Variants in C9 observed in about 807,000 individuals in gnomAD.
The protein encoded by C9 is complement component C9.
C9 carries 63 observed loss-of-function variants against 65.4 expected under a neutral mutation model. The observed-to-expected ratio is 0.96, with a 90% confidence interval of 0.79 to 1.19. The LOEUF is 1.19. C9 is among the 50% of genes most tolerant of loss of function. The pLI is 0.00. For missense variants in C9, 744 were observed against 670.1 expected (o/e 1.11, Z -1.22); for synonymous variants, 229 against 227.9 (o/e 1.00, Z -0.04).
chr5:39,323,444 G>C (rs561370710), intron 5 of C9, among the ~76,000 whole-genome samples: 1 of 147,262 alleles, frequency 6.8e-6, no homozygotes, highest in Non-Finnish European at 1.5e-5. Context: ...ACTAAATTCA[G>C]AAATATATTA....
chr5:39,285,158 G>A lies in C9; in HGVS notation c.*41C>T. ...TCAGGGGTAGGATCTGAAGGTACTA[G>A]TGTTTTCTTCTTCCACTGGAGCTCA... is the stretch of plus-strand genomic sequence containing the variant. On this transcript the variant is annotated 3_prime_UTR_variant, in exon 11 of 11. Coordinates refer to ENST00000263408, the MANE Select transcript of C9 (RefSeq NM_001737.5). The A allele has an allele frequency of 1.3e-6, 2 of 1,554,092 alleles. No individual in the cohort carries two copies. Among genetic ancestry groups the A allele is most frequent in the Non-Finnish European group, 1.8e-6 (2 of 1,125,382 alleles).
At chr5:39,303,447 A>G (rs1165833514) in intron 9 of C9, among the ~76,000 whole-genome samples, 4 of 151,866 alleles carry the variant, frequency 2.6e-5, no homozygotes, top group Non-Finnish European at 5.9e-5. Flanking sequence ...CTAACAGAGC[A>G]TGGCTATAGT....
chr5:39,317,921 C>G (rs1753599826), intron 5 of C9, among the ~76,000 whole-genome samples: 1 of 151,328 alleles, frequency 6.6e-6, no homozygotes, highest in African/African-American at 2.4e-5. Context: ...AGCATTGAAT[C>G]TATAAATTAC....
chr5:39,307,466 T>C (rs1753402393), intron 8 of C9, among the ~76,000 whole-genome samples: 1 of 152,108 alleles, frequency 6.6e-6, no homozygotes, highest in African/African-American at 2.4e-5. Context: ...AATATAGAAA[T>C]TATACCGTAT....
intron 9 of C9, among the ~76,000 whole-genome samples, chr5:39,298,297 A>G (rs114888982): frequency 0.011 from 1,731 of 151,716 alleles, 41 homozygotes; most frequent in African/African-American, 0.04. Context: ...AAGCATAAGG[A>G]AGGAAATAAT....
At chr5:39,285,629 T>C (rs1227429741) in intron 10 of C9, among the ~76,000 whole-genome samples, 4 of 151,256 alleles carry the variant, frequency 2.6e-5, no homozygotes, top group African/African-American at 9.8e-5. Context: ...AAAAAACCCA[T>C]GCCCAGGCAG....
At chr5:39,341,317 T>G in intron 3 of C9, 24 bp from the exon 4 acceptor site, 1 of 1,612,628 alleles carries the variant, frequency 6.2e-7, no homozygotes, top group African/African-American at 1.3e-5. Flanking sequence ...CAGGAGAGAC[T>G]CAATGTATCT....
At chr5:39,362,699 G>A (rs1438580773) in intron 1 of C9, among the ~76,000 whole-genome samples, 2 of 152,286 alleles carry the variant, frequency 1.3e-5, no homozygotes, top group East Asian at 3.9e-4. Context: ...CCTGAGCCTG[G>A]GAAGTCTAGC....
chr5:39,344,292 G>A (rs577942355), intron 1 of C9, among the ~76,000 whole-genome samples: 3 of 152,334 alleles, frequency 2.0e-5, no homozygotes, highest in East Asian at 3.9e-4. Flanking sequence ...TAGACAAATG[G>A]CTAACTAGAA....
At chr5:39,359,124 A>G (rs1319479152) in intron 1 of C9, among the ~76,000 whole-genome samples, 17 of 143,396 alleles carry the variant, frequency 1.2e-4, no homozygotes, top group Non-Finnish European at 3.0e-5. Flanking sequence ...ATATATATAT[A>G]TGTAGTACCA....
At chr5:39,310,538 G>T (rs1753462948) in intron 7 of C9, among the ~76,000 whole-genome samples, 1 of 151,970 alleles carries the variant, frequency 6.6e-6, no homozygotes, top group Non-Finnish European at 1.5e-5. Context: ...AATTAACCAT[G>T]GCCCTTTTCC....
intron 9 of C9, among the ~76,000 whole-genome samples, chr5:39,290,056 A>G (rs191272410): frequency 1.3e-5 from 2 of 152,072 alleles, no homozygotes; most frequent in Admixed American, 1.3e-4. Context: ...AGCTTTGACA[A>G]TAAATACTGA....
intron 5 of C9, among the ~76,000 whole-genome samples, chr5:39,318,567 T>C (rs1753613434): frequency 6.6e-6 from 1 of 152,058 alleles, no homozygotes; most frequent in Admixed American, 6.6e-5. Flanking sequence ...CTTTTTTTTT[T>C]TTTTGCCAAC....
intron 1 of C9, among the ~76,000 whole-genome samples, chr5:39,363,779 G>A (rs1034199428): frequency 1.3e-5 from 2 of 152,118 alleles, no homozygotes; most frequent in South Asian, 2.1e-4. Context: ...TTGCAATTCC[G>A]ATTAGGATCA....
chr5:39,319,526 C>T (rs566504214), intron 5 of C9, among the ~76,000 whole-genome samples: 3 of 152,244 alleles, frequency 2.0e-5, no homozygotes, highest in South Asian at 2.1e-4. Context: ...GGTCAGCACC[C>T]GTACACCTCA....
At position 39,357,435 on chromosome 5, in the gene C9, A is replaced by C. The variant is rs182930768; in HGVS notation, c.77+6953T>G. ...TCAGAGCTTCTCTCATGTGCTTTAA[A>C]TGAGCCAAGGGTCACCAACCTTTAC... On this transcript the variant is annotated intron_variant, in intron 1 of 10. Transcript: ENST00000263408. Among the ~76,000 whole-genome samples, 236 of 152,356 alleles carry C rather than the reference A, an allele frequency of 1.5e-3. 6 individuals carry two copies. The highest frequency in any genetic ancestry group is 5.2e-3 in the African/African-American group (216 of 41,584).
At position 39,311,433 on chromosome 5, in the gene C9, T is replaced by C. The variant is rs1753483830; in HGVS notation, c.871-56A>G. 3.2e-6 allele frequency: 5 copies of C among 1,563,134 alleles called. No individual in the cohort carries two copies. The African/African-American group carries it at 5.4e-5, about 17-fold the overall frequency. On this transcript the variant is annotated intron_variant, in intron 6 of 10. Transcript: ENST00000263408. ...CATGTGTTTTATCCACCATTTCAAA[T>C]GAAAATTTATGAAATTTAGAACTTC...
intron 4 of C9, among the ~76,000 whole-genome samples, chr5:39,335,649 C>T (rs1332179642): frequency 5.9e-5 from 9 of 152,118 alleles, no homozygotes; most frequent in Non-Finnish European, 1.3e-4. Flanking sequence ...GGGACTTGAG[C>T]ATCCTGAAAG....
At chr5:39,328,559 G>C (rs764884804) in intron 5 of C9, among the ~76,000 whole-genome samples, 1 of 152,186 alleles carries the variant, frequency 6.6e-6, no homozygotes, top group Non-Finnish European at 1.5e-5. Flanking sequence ...CTGGATTGTA[G>C]GAGGAATGGA....
Sources: allele counts gnomAD v4.1 joint callset (sites outside exome capture counted in the v4.1 genomes callset), GRCh38; gene constraint gnomAD v4.1.1; transcripts MANE v1.5; gene names NCBI Gene and HGNC (gene_info 2026-07-23, HGNC 2026-07-21).